FAM193A: variants seen among roughly 807,000 people sequenced by gnomAD.
FAM193A encodes the protein family with sequence similarity 193 member A.
FAM193A carries 22 observed loss-of-function variants against 126.5 expected under a neutral mutation model. The ratio of observed to expected loss-of-function variants is 0.17; its 90% confidence interval spans 0.12 to 0.25. The LOEUF is 0.25. FAM193A is among the 10% of genes least tolerant of loss of function. The pLI is 1.00. For synonymous variants in FAM193A, 761 were observed against 646.8 expected (o/e 1.18, Z -2.68); for missense variants, 1,675 against 1,672.8 (o/e 1.00, Z -0.02).
chr4:2,625,674 G>A (rs930948554), intron 3 of FAM193A: 1 of 270,350 alleles, frequency 3.7e-6, no homozygotes. Flanking sequence ...GGGAGAGCCT[G>A]ACTGGCTGCT....
chr4:2,721,667 C>T (rs915258219), intron 20 of FAM193A, among the ~76,000 whole-genome samples: 1 of 152,196 alleles, frequency 6.6e-6, no homozygotes, highest in African/African-American at 2.4e-5. Flanking sequence ...AGGTGTGAAG[C>T]GACGGGAGTC....
At chr4:2,703,033 C>G (rs1228157316) in intron 19 of FAM193A, among the ~76,000 whole-genome samples, 1 of 151,820 alleles carries the variant, frequency 6.6e-6, no homozygotes, top group Non-Finnish European at 1.5e-5. Context: ...ATTTGCTTTT[C>G]TTTTTTACAT....
At chr4:2,581,059 G>A (rs1055511252) in intron 1 of FAM193A, among the ~76,000 whole-genome samples, 7 of 151,848 alleles carry the variant, frequency 4.6e-5, no homozygotes, top group African/African-American at 1.7e-4. Flanking sequence ...AACCCGGGAG[G>A]CGGAGGTTGC....
intron 2 of FAM193A, among the ~76,000 whole-genome samples, chr4:2,605,416 TCTTA>T (rs1488989264): frequency 2.6e-5 from 4 of 152,240 alleles, no homozygotes; most frequent in African/African-American, 2.4e-5. Context: ...TTATTTTATG[TCTTA>T]CTTATTTTGC....
chr4:2,570,880 A>G (rs1164038958), intron 1 of FAM193A, among the ~76,000 whole-genome samples: 1 of 152,184 alleles, frequency 6.6e-6, no homozygotes, highest in Non-Finnish European at 1.5e-5. Context: ...TATCCTGGGT[A>G]GTAAGTCAAG....
chr4:2,617,440 A>G (rs1001733445), intron 2 of FAM193A, among the ~76,000 whole-genome samples: 5 of 148,400 alleles, frequency 3.4e-5, no homozygotes, highest in Non-Finnish European at 5.9e-5. Flanking sequence ...TAATTTTTGT[A>G]TTTTTAGTAG....
intron 1 of FAM193A, among the ~76,000 whole-genome samples, chr4:2,548,810 A>C (rs1189698834): frequency 6.6e-6 from 1 of 151,792 alleles, no homozygotes; most frequent in Admixed American, 6.6e-5. Flanking sequence ...TCCGTTTACC[A>C]ATTTTTTCTT....
chr4:2,718,292 GA>G (rs1254994836), intron 20 of FAM193A, among the ~76,000 whole-genome samples: 1 of 151,276 alleles, frequency 6.6e-6, no homozygotes, highest in Non-Finnish European at 1.5e-5. Flanking sequence ...GAATAATAGA[GA>G]AAAAAAGACA....
chr4:2,625,234 G>C, intron 2 of FAM193A, 28 bp from the exon 3 acceptor site: 1 of 686,516 alleles, frequency 1.5e-6, no homozygotes, highest in Non-Finnish European at 2.7e-6. Context: ...TAACATAACT[G>C]GTCTATTCTG....
At chr4:2,644,498 G>A (rs143693270) in intron 6 of FAM193A, among the ~76,000 whole-genome samples, 46 of 152,284 alleles carry the variant, frequency 3.0e-4, no homozygotes, top group African/African-American at 1.1e-3. Flanking sequence ...GATCCCTGGC[G>A]CCACTGGAGT....
intron 7 of FAM193A, among the ~76,000 whole-genome samples, chr4:2,656,621 G>A (rs138666151): frequency 2.0e-5 from 3 of 152,310 alleles, no homozygotes; most frequent in South Asian, 2.1e-4. Flanking sequence ...CTGTGTGTGC[G>A]TGCGTGTGTC....
At chr4:2,614,195 T>C (rs1742052777) in intron 2 of FAM193A, among the ~76,000 whole-genome samples, 3 of 152,204 alleles carry the variant, frequency 2.0e-5, no homozygotes, top group Admixed American at 6.5e-5. Flanking sequence ...CAATGTGAGA[T>C]TGAATAGGAG....
At chr4:2,614,965 T>C (rs1180121949) in intron 2 of FAM193A, among the ~76,000 whole-genome samples, 1 of 152,228 alleles carries the variant, frequency 6.6e-6, no homozygotes, top group Non-Finnish European at 1.5e-5. Flanking sequence ...TACCAGTTTT[T>C]TGAGTTTTGT....
chr4:2,616,295 C>G (rs939007487), intron 2 of FAM193A, among the ~76,000 whole-genome samples: 3 of 152,162 alleles, frequency 2.0e-5, no homozygotes, highest in Admixed American at 6.6e-5. Flanking sequence ...TTGTCTTATA[C>G]TGAGAGCCAC....
intron 19 of FAM193A, among the ~76,000 whole-genome samples, chr4:2,707,172 T>G (rs1364149613): frequency 6.6e-6 from 1 of 152,146 alleles, no homozygotes; most frequent in Non-Finnish European, 1.5e-5. Context: ...TCCATTACAC[T>G]TATACATTAA....
chr4:2,545,287 C>G (rs561559363), intron 1 of FAM193A, among the ~76,000 whole-genome samples: 242 of 152,332 alleles, frequency 1.6e-3, no homozygotes, highest in African/African-American at 5.7e-3. Flanking sequence ...GCCACCACGC[C>G]AGGCCCTCTC....
At chr4:2,659,461 G>T (rs896786624) in intron 8 of FAM193A, 97 bp from the exon 9 acceptor site, 3 of 848,856 alleles carry the variant, frequency 3.5e-6, no homozygotes, top group Non-Finnish European at 3.8e-6. Context: ...AGCAGTGCCC[G>T]TGAACATGAT....
chr4:2,620,033 G>A (rs1382982835), intron 2 of FAM193A, among the ~76,000 whole-genome samples: 1 of 152,136 alleles, frequency 6.6e-6, no homozygotes, highest in South Asian at 2.1e-4. Flanking sequence ...TCCTTCTTAG[G>A]AGTCATTGTC....
At chr4:2,594,902 C>T (rs1311574144) in intron 1 of FAM193A, among the ~76,000 whole-genome samples, 1 of 125,914 alleles carries the variant, frequency 7.9e-6, no homozygotes, top group Non-Finnish European at 1.6e-5. Context: ...GATCTTGGCT[C>T]ACTGCAACCT....
Sources: allele counts gnomAD v4.1 joint callset (sites outside exome capture counted in the v4.1 genomes callset), GRCh38; gene constraint gnomAD v4.1.1; transcripts MANE v1.5; gene names NCBI Gene and HGNC (gene_info 2026-07-23, HGNC 2026-07-21).